RMND5A: variants seen among roughly 807,000 people sequenced by gnomAD.
RMND5A encodes the protein E3 ubiquitin-protein transferase RMND5A.
RMND5A carries 17 observed loss-of-function variants against 49.7 expected under a neutral mutation model. The ratio of observed to expected loss-of-function variants is 0.34; its 90% CI spans 0.23 to 0.51. The LOEUF (loss-of-function observed/expected upper bound fraction) is 0.51. Ranked by LOEUF, RMND5A falls within the 20% of genes least tolerant of loss-of-function variation. The probability of loss-of-function intolerance (pLI) is 0.96; values close to 1 mark genes in which losing one functional copy is unlikely to be tolerated. For synonymous variants in RMND5A, 156 were observed against 167.7 expected (o/e 0.93, Z 0.54); for missense variants, 255 against 471.3 (o/e 0.54, Z 4.25).
chr2:86,724,209 G>A (rs1681262325), intron 1 of RMND5A, among the ~76,000 whole-genome samples: 1 of 126,568 alleles, frequency 7.9e-6, no homozygotes, highest in South Asian at 2.5e-4. Context: ...GACAGTTAGG[G>A]AATATTGGTG....
At chr2:86,766,751 G>A (rs900222801) in intron 6 of RMND5A, among the ~76,000 whole-genome samples, 23 of 152,018 alleles carry the variant, frequency 1.5e-4, no homozygotes, top group African/African-American at 3.9e-4. Flanking sequence ...ACTTTGGGAG[G>A]CTGAGGTGGG....
At position 86,732,510 on chromosome 2, in the gene RMND5A, A is replaced by G. The variant is rs1338059814; in HGVS notation, c.143-8417A>G. Among the ~76,000 whole-genome samples, 103 of 142,860 alleles carry G rather than the reference A, an allele frequency of 7.2e-4. No individual in the cohort carries two copies. The East Asian group carries it at 0.02, about 28-fold the overall frequency. 93.7% of individuals were successfully genotyped at this position (142,860 alleles called of 152,430 possible). A position where few individuals can be genotyped will look rare whatever the true frequency, so the allele number is the denominator to read the frequency against. ...TTTTTGAGGCTTGTGATCAGTAGGG[A>G]AGAAAGTAAAACAAATGTATGTACA... On this transcript the variant is annotated intron_variant, in intron 1 of 8. Transcript: ENST00000283632.
At chr2:86,748,382 T>C (rs1681575511) in intron 2 of RMND5A, 1 of 152,180 alleles carries the variant, frequency 6.6e-6, no homozygotes, top group Admixed American at 6.5e-5. Flanking sequence ...ATCAGAATGG[T>C]AGAAGGGAGC....
At chr2:86,762,597 A>G (rs1672512663) in intron 4 of RMND5A, among the ~76,000 whole-genome samples, 1 of 150,614 alleles carries the variant, frequency 6.6e-6, no homozygotes, top group Non-Finnish European at 1.5e-5. Context: ...GTGAGCTGAG[A>G]TCTTGCCACT....
intron 6 of RMND5A, among the ~76,000 whole-genome samples, chr2:86,767,500 C>T (rs141820198): frequency 6.8e-6 from 1 of 147,570 alleles, no homozygotes; most frequent in Non-Finnish European, 1.5e-5. Context: ...AGGTTGGACT[C>T]AAACTCCTGG....
chr2:86,769,510 AT>A (rs1245838683), intron 6 of RMND5A, among the ~76,000 whole-genome samples: 1 of 152,256 alleles, frequency 6.6e-6, no homozygotes, highest in East Asian at 1.9e-4. Flanking sequence ...TCAAACTCAG[AT>A]GCTAAAACTA....
At position 86,720,667 on chromosome 2, in the gene RMND5A, C is replaced by T. The variant is rs755868875; in HGVS notation, c.-1C>T. On this transcript the variant is annotated 5_prime_UTR_variant, in exon 1 of 9. Coordinates refer to ENST00000283632, the MANE Select transcript of RMND5A (RefSeq NM_022780.4). ...AGGAGCCGAGCGCCGCCGCCTCCGG[C>T]ATGGATCAGTGCGTGACGGTGGAGC... is the stretch of plus-strand genomic sequence containing the variant. 3.7e-5 allele frequency: 57 copies of T among 1,553,066 alleles called. No homozygotes were observed. Among genetic ancestry groups the T allele is most frequent in the Non-Finnish European group, 4.6e-5 (53 of 1,153,306 alleles).
At chr2:86,760,965 AGTGTGTGTGTGTGTGTGTGTGTGT>A (rs35942120) in intron 4 of RMND5A, among the ~76,000 whole-genome samples, 1 of 145,330 alleles carries the variant, frequency 6.9e-6, no homozygotes, top group African/African-American at 2.6e-5. Context: ...GAGAGAGAGA[AGTGTGTGTGTGTGTGTGTGTGTGT>A]GTGTGTGTGT....
intron 3 of RMND5A, among the ~76,000 whole-genome samples, chr2:86,752,714 C>G (rs987620304): frequency 2.0e-5 from 3 of 152,200 alleles, no homozygotes; most frequent in Admixed American, 2.0e-4. Context: ...GATTCAGTCC[C>G]TGATTCATAT....
At chr2:86,751,149 T>A (rs1453297192) in intron 2 of RMND5A, among the ~76,000 whole-genome samples, 1 of 152,184 alleles carries the variant, frequency 6.6e-6, no homozygotes, top group Admixed American at 6.5e-5. Context: ...TGGAGAGTGT[T>A]GGTATTTTTG....
chr2:86,729,797 G>T lies in RMND5A; in HGVS notation c.142+8988G>T, dbSNP rs1357925048. ...TTGGAATCAGGTTTTGTAAAGCCAT[G>T]GATACCAGGGAAAGTAGTAGACTGG... On this transcript the variant is annotated intron_variant, in intron 1 of 8. Transcript: ENST00000283632. Among the ~76,000 whole-genome samples, 156 of 51,768 alleles carry T rather than the reference G, an allele frequency of 3.0e-3. 2 individuals carry two copies. The highest frequency in any genetic ancestry group is 0.011 in the African/African-American group (150 of 13,778). The allele number at this position is 51,768 out of a possible 152,430, so 34.0% of individuals were successfully genotyped here.
Position 86,751,940 on chromosome 2 carries a change from G to A in RMND5A, c.330G>A (p.Trp110Ter). 6.2e-7 allele frequency: 1 copy of A among 1,613,774 alleles called. No individual in the cohort carries two copies. The highest frequency in any genetic ancestry group is 8.5e-7 in the Non-Finnish European group (1 of 1,179,766). ...DISSVGIDGC[W>*]QADSQRLLNE... ...GCAGTGTGGGAATAGATGGCTGCTG[G>A]CAGGCAGACAGCCAAAGGCTTCTCA... Residue 110 changes from tryptophan (W) to a stop codon, truncating the protein, a stop_gained, in exon 3 of 9, where the codon TGG becomes TGA. Transcript: ENST00000283632. LOFTEE classifies it high-confidence loss of function.
rs563781693 is a variant in RMND5A, at chr2:86,754,732, A to T, written c.521+1174A>T. ...CGTTATGCCCAGCTAATTAAAAAAA[A>T]TTTTTTTTTGTAGAGACAGGATCTC... On this transcript the variant is annotated intron_variant, in intron 4 of 8. Transcript: ENST00000283632. Among the ~76,000 whole-genome samples the T allele has an allele frequency of 1.4e-3, 209 of 151,334 alleles. 3 individuals are homozygous for T. Among genetic ancestry groups the T allele is most frequent in the East Asian group, 7.8e-4 (4 of 5,134 alleles).
At chr2:86,763,391 G>A (rs1672537383) in intron 4 of RMND5A, among the ~76,000 whole-genome samples, 1 of 152,176 alleles carries the variant, frequency 6.6e-6, no homozygotes, top group Non-Finnish European at 1.5e-5. Context: ...CTGGAAATCT[G>A]TAAGGTGCCT....
intron 1 of RMND5A, among the ~76,000 whole-genome samples, chr2:86,728,968 A>T (rs1202237551): frequency 6.6e-6 from 1 of 151,778 alleles, no homozygotes; most frequent in East Asian, 1.9e-4. Context: ...GTTGGCCAGG[A>T]TGGTCTCGAT....
rs1369505705 is a variant in RMND5A, at chr2:86,728,848, A to G, written c.142+8039A>G. Among the ~76,000 whole-genome samples, 5 of 97,322 alleles carry G rather than the reference A, an allele frequency of 5.1e-5. No individual in the cohort carries two copies. The East Asian group carries it at 1.6e-3, about 31-fold the overall frequency. 63.8% of individuals were successfully genotyped at this position (97,322 alleles called of 152,430 possible). On this transcript the variant is annotated intron_variant, in intron 1 of 8. Coordinates refer to ENST00000283632, the MANE Select transcript of RMND5A (RefSeq NM_022780.4). ...GGCTCACTGCAACCTCTGCCTCCCA[A>G]GTTCAAGCGATTCCCCTGCCTCAGC...
chr2:86,744,282 T>G (rs1681500041), intron 2 of RMND5A, among the ~76,000 whole-genome samples: 1 of 152,176 alleles, frequency 6.6e-6, no homozygotes, highest in Non-Finnish European at 1.5e-5. Context: ...GGAGCTCTTT[T>G]AATTTGAACC....
chr2:86,766,155 A>G, intron 6 of RMND5A, 131 bp downstream of exon 6: 1 of 793,194 alleles, frequency 1.3e-6, no homozygotes, highest in Non-Finnish European at 2.0e-6. Flanking sequence ...TTGGTATTTC[A>G]AAAGATATCA....
chr2:86,745,568 A>G (rs2104392449), intron 2 of RMND5A, among the ~76,000 whole-genome samples: 1 of 152,266 alleles, frequency 6.6e-6, no homozygotes, highest in Admixed American at 6.5e-5. Flanking sequence ...GGGAATAGGG[A>G]AAGGTAAATG....
Sources: allele counts gnomAD v4.1 joint callset (sites outside exome capture counted in the v4.1 genomes callset), GRCh38; gene constraint gnomAD v4.1.1; transcripts MANE v1.5; gene names NCBI Gene and HGNC (gene_info 2026-07-23, HGNC 2026-07-21).